PPP3CA: variants seen among roughly 807,000 people sequenced by gnomAD.
PPP3CA encodes the protein CAM-PRP catalytic subunit.
Under a neutral mutation model 66.5 loss-of-function variants are expected in PPP3CA, and 14 were observed. That is an observed-to-expected ratio of 0.21 (90% CI 0.14 to 0.33). PPP3CA has a LOEUF of 0.33. Ranked by LOEUF, PPP3CA falls within the 10% of genes least tolerant of loss-of-function variation. The probability of loss-of-function intolerance (pLI) is 1.00; values close to 1 mark genes in which losing one functional copy is unlikely to be tolerated. For synonymous variants in PPP3CA, 232 were observed against 226.2 expected (o/e 1.03, Z -0.23); for missense variants, 317 against 639.5 (o/e 0.50, Z 5.44).
chr4:101,202,918 T>C (rs1048189856), intron 1 of PPP3CA, among the ~76,000 whole-genome samples: 6 of 152,206 alleles, frequency 3.9e-5, no homozygotes, highest in African/African-American at 9.6e-5. Context: ...TGAGCCTTCA[T>C]ATGTATTCAG....
At chr4:101,191,355 G>A (rs951184856) in intron 2 of PPP3CA, among the ~76,000 whole-genome samples, 1 of 152,104 alleles carries the variant, frequency 6.6e-6, no homozygotes, top group Non-Finnish European at 1.5e-5. Flanking sequence ...ACAGATCAAA[G>A]GACTTTGGCT....
At chr4:101,276,842 G>T (rs1340439258) in intron 1 of PPP3CA, among the ~76,000 whole-genome samples, 1 of 152,058 alleles carries the variant, frequency 6.6e-6, no homozygotes, top group Non-Finnish European at 1.5e-5. Flanking sequence ...CTGTATATTT[G>T]TTGAAATTAA....
chr4:101,054,853 A>G (rs140838118), intron 10 of PPP3CA, among the ~76,000 whole-genome samples: 274 of 152,248 alleles, frequency 1.8e-3, no homozygotes, highest in Non-Finnish European at 3.0e-3. Flanking sequence ...AAAGGATAAG[A>G]GTTCTACCAT....
At chr4:101,285,916 C>T (rs1158964291) in intron 1 of PPP3CA, among the ~76,000 whole-genome samples, 1 of 152,144 alleles carries the variant, frequency 6.6e-6, no homozygotes, top group Admixed American at 6.6e-5. Context: ...ACAGCATAAA[C>T]TCCTACACCT....
intron 11 of PPP3CA, among the ~76,000 whole-genome samples, chr4:101,035,926 C>T (rs1013318820): frequency 2.6e-5 from 4 of 152,188 alleles, no homozygotes; most frequent in African/African-American, 9.7e-5. Flanking sequence ...CCTTCTCTGA[C>T]ATCTTTTCAG....
At chr4:101,295,277 C>T (rs1019351332) in intron 1 of PPP3CA, among the ~76,000 whole-genome samples, 13 of 137,256 alleles carry the variant, frequency 9.5e-5, no homozygotes, top group Non-Finnish European at 1.4e-4. Flanking sequence ...GTCCGCAGTC[C>T]GGCCTGGGTG....
intron 2 of PPP3CA, among the ~76,000 whole-genome samples, chr4:101,145,352 G>C (rs1722936339): frequency 6.6e-6 from 1 of 152,098 alleles, no homozygotes; most frequent in South Asian, 2.1e-4. Flanking sequence ...GTTTATTGCA[G>C]CACTGTTTAC....
intron 11 of PPP3CA, among the ~76,000 whole-genome samples, chr4:101,033,293 AACACACACACACACACACACACACACAC>A (rs70961772): frequency 7.2e-6 from 1 of 139,270 alleles, no homozygotes; most frequent in Non-Finnish European, 1.6e-5. Context: ...CACACACACA[AACACACACACACACACACACACACACAC>A]ACACACACAG....
intron 8 of PPP3CA, among the ~76,000 whole-genome samples, chr4:101,078,150 T>C (rs140313861): frequency 2.4e-4 from 36 of 152,260 alleles, no homozygotes; most frequent in African/African-American, 7.5e-4. Flanking sequence ...CTTAATGCCA[T>C]AGAACAATAC....
intron 1 of PPP3CA, among the ~76,000 whole-genome samples, chr4:101,239,304 G>T (rs1235660496): frequency 6.6e-6 from 1 of 152,002 alleles, no homozygotes; most frequent in Admixed American, 6.6e-5. Flanking sequence ...TATTCCAAAA[G>T]CACTAAAACA....
intron 1 of PPP3CA, among the ~76,000 whole-genome samples, chr4:101,277,478 A>G (rs1054137658): frequency 2.6e-5 from 4 of 152,234 alleles, no homozygotes; most frequent in Non-Finnish European, 5.9e-5. Flanking sequence ...CCAATTTGAC[A>G]GAAATTGCTC....
intron 2 of PPP3CA, among the ~76,000 whole-genome samples, chr4:101,183,465 A>C (rs1472088263): frequency 1.3e-5 from 2 of 152,186 alleles, no homozygotes; most frequent in African/African-American, 4.8e-5. Context: ...CCACTTAGAA[A>C]GAATAGAAAC....
At chr4:101,230,051 T>A (rs1725911322) in intron 1 of PPP3CA, among the ~76,000 whole-genome samples, 1 of 151,660 alleles carries the variant, frequency 6.6e-6, no homozygotes, top group Non-Finnish European at 1.5e-5. Context: ...TAAAAAATGT[T>A]TTTTGTTTAA....
intron 1 of PPP3CA, 47 bp downstream of exon 1, chr4:101,346,692 C>A (rs750444505): frequency 1.5e-5 from 23 of 1,549,390 alleles, no homozygotes; most frequent in Non-Finnish European, 1.9e-5. Flanking sequence ...GCTGCCCTGG[C>A]GCCTGCGGCA....
At chr4:101,332,270 G>C (rs1017805106) in intron 1 of PPP3CA, among the ~76,000 whole-genome samples, 1 of 152,182 alleles carries the variant, frequency 6.6e-6, no homozygotes, top group Non-Finnish European at 1.5e-5. Flanking sequence ...TCAGCCTACA[G>C]GCATTAATCA....
chr4:101,224,137 G>C (rs1405460072), intron 1 of PPP3CA, among the ~76,000 whole-genome samples: 1 of 151,676 alleles, frequency 6.6e-6, no homozygotes, highest in Non-Finnish European at 1.5e-5. Flanking sequence ...ATTAAAACCA[G>C]GACACTATGA....
intron 1 of PPP3CA, among the ~76,000 whole-genome samples, chr4:101,291,206 G>T (rs1728013034): frequency 1.3e-5 from 2 of 152,118 alleles, no homozygotes; most frequent in African/African-American, 2.4e-5. Flanking sequence ...TTCTATGTGG[G>T]TCAAAATAAT....
rs545626763 is a variant in PPP3CA, at chr4:101,324,336, C to G, written c.58+22403G>C. Among the ~76,000 whole-genome samples the G allele has an allele frequency of 3.3e-5, 5 of 152,198 alleles. No individual in the cohort carries two copies. In the East Asian group the frequency reaches 9.7e-4, roughly 29 times the overall value. On this transcript the variant is annotated intron_variant, in intron 1 of 13. Transcript: ENST00000394854. ...GGATTCAATGCAGGTAGTCTGGCTCCAGACCACTCCACCATATGCAACTAA... is the reference window on the plus strand; with the variant it reads ...GGATTCAATGCAGGTAGTCTGGCTCGAGACCACTCCACCATATGCAACTAA...
chr4:101,303,798 A>G (rs529995568), intron 1 of PPP3CA, among the ~76,000 whole-genome samples: 1 of 152,300 alleles, frequency 6.6e-6, no homozygotes, highest in South Asian at 2.1e-4. Flanking sequence ...TATTCTTAGA[A>G]GCACTGGCAA....
Sources: allele counts gnomAD v4.1 joint callset (sites outside exome capture counted in the v4.1 genomes callset), GRCh38; gene constraint gnomAD v4.1.1; transcripts MANE v1.5; gene names NCBI Gene and HGNC (gene_info 2026-07-23, HGNC 2026-07-21).